The following PTPRN2 variants were observed in gnomAD, a reference collection of about 807,000 sequenced individuals.
The protein encoded by PTPRN2 is protein tyrosine phosphatase receptor type N2, also known as receptor-type tyrosine-protein phosphatase N2.
PTPRN2 carries 74 observed loss-of-function variants against 118.8 expected under a neutral mutation model. The ratio of observed to expected loss-of-function variants is 0.62; its 90% CI spans 0.52 to 0.76. PTPRN2 has a LOEUF of 0.76. PTPRN2 is among the 30% of genes least tolerant of loss of function. The pLI, the probability that PTPRN2 is intolerant of heterozygous loss-of-function variation, is 0.00. For synonymous variants in PTPRN2, 641 were observed against 608.0 expected (o/e 1.05, Z -0.80); for missense variants, 1,481 against 1,394.4 (o/e 1.06, Z -0.99).
In PTPRN2 at chr7:158,125,425, T is replaced by C. The variant is rs1817574129; in HGVS notation, c.1556+8252A>G. On this transcript the variant is annotated intron_variant, in intron 9 of 22. Transcript: ENST00000389418. ...CACGGCCGCTCCCAGCAGGATGGGC[T>C]GGACTGTCGGGGATGCTGAGGTTTG... Among the ~76,000 whole-genome samples, 6 of 152,042 alleles carry C rather than the reference T, an allele frequency of 3.9e-5. No homozygotes were observed. In the South Asian group the frequency reaches 1.2e-3, roughly 32 times the overall value.
Position 157,881,429 on chromosome 7 carries a change from G to A in PTPRN2, c.1788+17244C>T, listed in dbSNP as rs550831317. Among the ~76,000 whole-genome samples, 1 of 152,102 alleles carries A rather than the reference G, an allele frequency of 6.6e-6. No homozygotes were observed. The highest frequency in any genetic ancestry group is 1.9e-4 in the East Asian group (1 of 5,188). Reference sequence around the variant, plus strand: ...TCTGAAGCCCAGGAGAGAGGCCTTGGGAGAGACCAGCCCTGCCCACACCTT... The same window carrying A: ...TCTGAAGCCCAGGAGAGAGGCCTTGAGAGAGACCAGCCCTGCCCACACCTT... On this transcript the variant is annotated intron_variant, in intron 12 of 22. Coordinates refer to ENST00000389418, the MANE Select transcript of PTPRN2 (RefSeq NM_002847.5). The surrounding 1 kb of genome is among the most constrained non-coding windows in gnomAD (Gnocchi z 4.7).
intron 12 of PTPRN2, among the ~76,000 whole-genome samples, chr7:157,693,037 C>G (rs1003695846): frequency 4.6e-5 from 7 of 151,920 alleles, no homozygotes; most frequent in Admixed American, 2.6e-4. Context: ...CAGGCCCGGC[C>G]CTGGGCAGAG....
chr7:158,382,173 C>T lies in PTPRN2; in HGVS notation c.164-65241G>A, dbSNP rs558569197. Among the ~76,000 whole-genome samples the T allele has an allele frequency of 3.6e-3, 542 of 152,268 alleles. 5 individuals carry two copies. Among genetic ancestry groups the T allele is most frequent in the African/African-American group, 0.012 (519 of 41,546 alleles). On this transcript the variant is annotated intron_variant, in intron 2 of 22. Coordinates refer to ENST00000389418, the MANE Select transcript of PTPRN2 (RefSeq NM_002847.5). ...ACCCTGGTGGGCATACATGTGCAGGCACCTGGGCAACGCAGCTCAGCACAG... is the reference window on the plus strand; with the variant it reads ...ACCCTGGTGGGCATACATGTGCAGGTACCTGGGCAACGCAGCTCAGCACAG...
chr7:157,644,312 C>A (rs771443633), intron 14 of PTPRN2, among the ~76,000 whole-genome samples: 1 of 152,212 alleles, frequency 6.6e-6, no homozygotes, highest in Admixed American at 6.5e-5. Flanking sequence ...TCAGGAGGAA[C>A]AAGCCCTGCC....
At chr7:157,937,071 C>G (rs1799754070) in intron 11 of PTPRN2, among the ~76,000 whole-genome samples, 1 of 152,248 alleles carries the variant, frequency 6.6e-6, no homozygotes, top group Non-Finnish European at 1.5e-5. Flanking sequence ...CTTCATCTCC[C>G]AGACTTGGCC....
rs1238779888 is a variant in PTPRN2, at chr7:157,583,198, G to A, written c.2497-5058C>T. Among the ~76,000 whole-genome samples, 1 of 152,104 alleles carries A rather than the reference G, an allele frequency of 6.6e-6. No individual in the cohort carries two copies. Among genetic ancestry groups the A allele is most frequent in the Non-Finnish European group, 1.5e-5 (1 of 68,010 alleles). On this transcript the variant is annotated intron_variant, in intron 17 of 22. Transcript: ENST00000389418. The surrounding 1 kb of genome is among the most constrained non-coding windows in gnomAD (Gnocchi z 5.5). ...CATGGATGAACCTGGAGGACACGAC[G>A]TTAAATTGAAATAAGCCGGACACAG...
chr7:158,469,122 T>TGGATCAACAGAATGCA (rs1301344649), intron 2 of PTPRN2, among the ~76,000 whole-genome samples: 5 of 151,840 alleles, frequency 3.3e-5, no homozygotes, highest in Admixed American at 6.6e-5. Flanking sequence ...ATCAACAGTG[T>TGGATCAACAGAATGCA]CAGGCTTTCA....
At chr7:158,317,096 G>A (rs1311578151) in intron 2 of PTPRN2, among the ~76,000 whole-genome samples, 164 bp from the exon 3 acceptor site, 1 of 152,252 alleles carries the variant, frequency 6.6e-6, no homozygotes, top group Non-Finnish European at 1.5e-5. Flanking sequence ...CCCGGAGGAT[G>A]CTGGTTTGTG....
At chr7:157,691,679 C>A (rs1797506326) in intron 12 of PTPRN2, among the ~76,000 whole-genome samples, 1 of 152,240 alleles carries the variant, frequency 6.6e-6, no homozygotes, top group South Asian at 2.1e-4. Flanking sequence ...GCCCTTCCCC[C>A]TACCCAGGTC....
At chr7:158,270,949 ACCTGGACCACCCC>A (rs1451838637) in intron 3 of PTPRN2, among the ~76,000 whole-genome samples, 5 of 4,250 alleles carry the variant, frequency 1.2e-3, no homozygotes, top group East Asian at 5.4e-3. Context: ...CCACCCCCCC[ACCTGGACCACCCC>A]TCCACCTGGA....
intron 6 of PTPRN2, among the ~76,000 whole-genome samples, chr7:158,158,180 T>G (rs567810215): frequency 6.6e-4 from 101 of 152,334 alleles, no homozygotes; most frequent in African/African-American, 2.2e-3. Context: ...TCCTTTCAAG[T>G]GAAAATGACC....
intron 11 of PTPRN2, among the ~76,000 whole-genome samples, chr7:158,020,068 A>G (rs1417894392): frequency 6.6e-5 from 10 of 151,966 alleles, no homozygotes; most frequent in Admixed American, 6.6e-5. Context: ...TCTTGGTGAG[A>G]GCCCAAGCTG....
chr7:158,053,511 G>A (rs1042963378), intron 11 of PTPRN2, among the ~76,000 whole-genome samples: 6 of 152,228 alleles, frequency 3.9e-5, no homozygotes, highest in Admixed American at 1.3e-4. Flanking sequence ...GATATTATGG[G>A]AAATTCTGAA....
At chr7:157,800,149 T>TC (rs1805167629) in intron 12 of PTPRN2, among the ~76,000 whole-genome samples, 1 of 115,442 alleles carries the variant, frequency 8.7e-6, no homozygotes, top group African/African-American at 3.4e-5. Context: ...ACAGGCGGCC[T>TC]CCCCATCCCT....
intron 3 of PTPRN2, among the ~76,000 whole-genome samples, chr7:158,300,303 C>T (rs546494488): frequency 3.2e-4 from 49 of 152,300 alleles, no homozygotes; most frequent in Non-Finnish European, 6.0e-4. Flanking sequence ...ATAAAGCAAA[C>T]GGCCAAAGGT....
chr7:157,811,096 C>G (rs1806002292), intron 12 of PTPRN2, among the ~76,000 whole-genome samples: 1 of 151,530 alleles, frequency 6.6e-6, no homozygotes, highest in Non-Finnish European at 1.5e-5. Flanking sequence ...ACAGTGAAAC[C>G]CCATCTCTAC....
rs1233426954 is a variant in PTPRN2, at chr7:157,974,596, G to T, written c.1724-75859C>A. ...GGTCTCAGCCGGCAGGGGTGGGTGGGACCTCAGACCTCAGCGGGTGATGGC... is the reference window on the plus strand; with the variant it reads ...GGTCTCAGCCGGCAGGGGTGGGTGGTACCTCAGACCTCAGCGGGTGATGGC... On this transcript the variant is annotated intron_variant, in intron 11 of 22. Coordinates refer to ENST00000389418, the MANE Select transcript of PTPRN2 (RefSeq NM_002847.5). This position sits in a 1 kb window ranked among gnomAD's most constrained non-coding sequence, Gnocchi z 4.0. Among the ~76,000 whole-genome samples the T allele has an allele frequency of 6.7e-6, 1 of 150,004 alleles. No homozygotes were observed. The highest frequency in any genetic ancestry group is 1.5e-5 in the Non-Finnish European group (1 of 67,488).
chr7:158,516,822 A>C (rs1311553172), intron 1 of PTPRN2, among the ~76,000 whole-genome samples: 1 of 146,544 alleles, frequency 6.8e-6, no homozygotes, highest in Non-Finnish European at 1.5e-5. Context: ...GCTCTTGCCT[A>C]TTGTTCTTGG....
intron 11 of PTPRN2, among the ~76,000 whole-genome samples, chr7:157,954,327 G>A (rs1801039100): frequency 6.8e-6 from 1 of 147,858 alleles, no homozygotes; most frequent in Admixed American, 6.7e-5. Context: ...TGTGTGTGCT[G>A]TGTGGTGTGT....
Sources: allele counts gnomAD v4.1 joint callset (sites outside exome capture counted in the v4.1 genomes callset), GRCh38; gene constraint gnomAD v4.1.1; non-coding constraint Gnocchi (gnomAD v3.1); transcripts MANE v1.5; gene names NCBI Gene and HGNC (gene_info 2026-07-23, HGNC 2026-07-21).